PDE1C: variants seen among roughly 807,000 people sequenced by gnomAD.
PDE1C encodes the protein dual specificity calcium/calmodulin-dependent 3',5'-cyclic nucleotide phosphodiesterase 1C.
In PDE1C, 62 loss-of-function variants were observed where a neutral mutation model predicts 93.1. The observed-to-expected ratio is 0.67, with a 90% CI of 0.54 to 0.82. The LOEUF (loss-of-function observed/expected upper bound fraction) is 0.82. Ranked by LOEUF, PDE1C falls within the 40% of genes least tolerant of loss-of-function variation. The pLI, the probability that PDE1C is intolerant of heterozygous loss-of-function variation, is 0.00. For synonymous variants in PDE1C, 325 were observed against 310.1 expected, an observed-to-expected ratio of 1.05 and a Z score of -0.50; for missense variants, 742 against 884.6, an observed-to-expected ratio of 0.84 and a Z score of 2.04.
At chr7:31,894,981 A>G (rs10266437) in intron 2 of PDE1C, among the ~76,000 whole-genome samples, 20,850 of 152,128 alleles carry the variant, frequency 0.14, 1,746 homozygotes, top group Admixed American at 0.23. Flanking sequence ...TCCTTTTCTT[A>G]AACTCAGTAA....
the PDE1C span, among the ~76,000 whole-genome samples, chr7:31,709,518 C>T: frequency 2.0e-5 from 3 of 152,156 alleles, no homozygotes; most frequent in East Asian, 1.9e-4. Context: ...TTGAATGGGC[C>T]GCAATTATGA....
At chr7:32,347,275 A>G (rs879371160) in intron 1 of PDE1C, among the ~76,000 whole-genome samples, 1 of 152,246 alleles carries the variant, frequency 6.6e-6, no homozygotes, top group Admixed American at 6.5e-5. Flanking sequence ...GGTACTGAAC[A>G]GTGCAACTGA....
intron 1 of PDE1C, among the ~76,000 whole-genome samples, chr7:32,403,108 C>T (rs866040484): frequency 6.6e-6 from 1 of 152,202 alleles, no homozygotes; most frequent in Admixed American, 6.5e-5. Context: ...TGCTTCTAGC[C>T]TGACTCCATG....
At chr7:32,020,107 G>T (rs1788444591) in intron 2 of PDE1C, among the ~76,000 whole-genome samples, 2 of 152,114 alleles carry the variant, frequency 1.3e-5, no homozygotes, top group South Asian at 4.1e-4. Context: ...GATCCCTCAG[G>T]CTCTCAAGTG....
At chr7:32,069,753 G>C (rs1343333524) in intron 1 of PDE1C, among the ~76,000 whole-genome samples, 1 of 151,946 alleles carries the variant, frequency 6.6e-6, no homozygotes. Context: ...TTCTCCACAA[G>C]AGCCTTTCCT....
chr7:31,625,363 G>T, the PDE1C span, among the ~76,000 whole-genome samples: 6 of 151,912 alleles, frequency 3.9e-5, no homozygotes, highest in East Asian at 1.9e-4. Flanking sequence ...CAAAGACTTG[G>T]AACCAACCCA....
At chr7:32,357,397 A>G (rs1270818596) in intron 1 of PDE1C, among the ~76,000 whole-genome samples, 1 of 152,160 alleles carries the variant, frequency 6.6e-6, no homozygotes, top group East Asian at 1.9e-4. Flanking sequence ...CAGAGAAAAT[A>G]TAAAATAAAA....
intron 2 of PDE1C, among the ~76,000 whole-genome samples, chr7:31,882,267 G>A (rs1797348064): frequency 6.6e-6 from 1 of 152,148 alleles, no homozygotes; most frequent in African/African-American, 2.4e-5. Flanking sequence ...CTGCAGGCTT[G>A]GAGGTGAAGG....
At chr7:31,757,233 C>T (rs1794523881) in intron 17 of PDE1C, among the ~76,000 whole-genome samples, 1 of 152,074 alleles carries the variant, frequency 6.6e-6, no homozygotes, top group African/African-American at 2.4e-5. Flanking sequence ...AAAATATAAA[C>T]ATATGTGCAT....
intron 1 of PDE1C, among the ~76,000 whole-genome samples, chr7:32,411,572 G>T (rs1195536658): frequency 1.3e-5 from 2 of 152,210 alleles, no homozygotes; most frequent in Non-Finnish European, 2.9e-5. Context: ...ACTGGAAGTT[G>T]CTCTGGGTGA....
Position 31,877,982 on chromosome 7 carries a change from A to C in PDE1C, c.480T>G (p.Ile160Met). 1 of 1,611,654 alleles carries C rather than the reference A, an allele frequency of 6.2e-7. No individual in the cohort carries two copies. Among genetic ancestry groups the C allele is most frequent in the South Asian group, 1.1e-5 (1 of 90,942 alleles). Reference sequence around the variant, plus strand: ...TCACTCGTATTACCTTTAATGCCTCAATAACAGCTGGTGGATAGCTCAGTC... The same window carrying C: ...TCACTCGTATTACCTTTAATGCCTCCATAACAGCTGGTGGATAGCTCAGTC... ...MVGLSYPPAVIEALKDVDKWS... is the reference protein window; with the variant it reads ...MVGLSYPPAVMEALKDVDKWS... The change falls in exon 5 of 18, where the codon ATT becomes ATG. Residue 160 changes from isoleucine (I) to methionine (M), a missense_variant. Physicochemically the swap from Ile to Met is conservative, Grantham distance 10. Around this residue, in one of 4 missense-constraint regions of PDE1C, gnomAD observed 205 missense variants for 295.3 expected, o/e 0.69. Transcript: ENST00000396191.
rs1420502133 is a variant in PDE1C at position 31,815,809 on chromosome 7, A to C, written c.1813+115T>G. 3 of 777,040 alleles carry C rather than the reference A, an allele frequency of 3.9e-6. No homozygotes were observed. The African/African-American group carries it at 5.2e-5, about 13-fold the overall frequency. 48.1% of individuals were successfully genotyped at this position (777,040 alleles called of 1,614,324 possible). A position where few individuals can be genotyped will look rare whatever the true frequency, so the allele number is the denominator to read the frequency against. On this transcript the variant is annotated intron_variant, in intron 15 of 17. Coordinates refer to ENST00000396191, the MANE Select transcript of PDE1C (RefSeq NM_001191057.4). ...AGGTGGGATCAGAAGGAACTGGATG[A>C]GCAGGGAAGCCTTGCCCTGTGAGCT... is the stretch of plus-strand genomic sequence containing the variant.
intron 1 of PDE1C, among the ~76,000 whole-genome samples, chr7:32,382,613 G>A (rs1784555439): frequency 1.3e-5 from 2 of 152,066 alleles, no homozygotes; most frequent in Admixed American, 1.3e-4. Flanking sequence ...TACAAAATTA[G>A]CCTGTCCACA....
At chr7:32,000,993 C>CATGT (rs1554458991) in intron 2 of PDE1C, among the ~76,000 whole-genome samples, 3 of 149,166 alleles carry the variant, frequency 2.0e-5, no homozygotes, top group African/African-American at 7.4e-5. Flanking sequence ...TGTGTGTATA[C>CATGT]GTGTGTGTGT....
intron 3 of PDE1C, among the ~76,000 whole-genome samples, chr7:32,148,288 C>T (rs1378573321): frequency 6.6e-6 from 1 of 152,052 alleles, no homozygotes; most frequent in African/African-American, 2.4e-5. Flanking sequence ...TCAGTGAATT[C>T]ATTTAACATA....
intron 3 of PDE1C, among the ~76,000 whole-genome samples, chr7:32,102,028 A>G (rs1798065573): frequency 6.6e-6 from 1 of 152,150 alleles, no homozygotes; most frequent in Non-Finnish European, 1.5e-5. Context: ...GAACACACTT[A>G]TTACTGTGAG....
At chr7:32,021,008 C>A (rs1210888586) in intron 2 of PDE1C, among the ~76,000 whole-genome samples, 1 of 152,134 alleles carries the variant, frequency 6.6e-6, no homozygotes, top group Non-Finnish European at 1.5e-5. Context: ...ACAGTGCTAG[C>A]ATATGAGGTA....
intron 17 of PDE1C, among the ~76,000 whole-genome samples, chr7:31,758,036 C>T (rs922166287): frequency 5.3e-5 from 8 of 152,186 alleles, no homozygotes; most frequent in Non-Finnish European, 1.0e-4. Flanking sequence ...TCTGAGCAAA[C>T]TATTGCAAGG....
chr7:32,184,490 G>A lies in PDE1C; in HGVS notation c.137-14534C>T, dbSNP rs542748454. Among the ~76,000 whole-genome samples the A allele has an allele frequency of 2.8e-3, 421 of 152,326 alleles. 1 individual carries two copies. Among genetic ancestry groups the A allele is most frequent in the African/African-American group, 9.7e-3 (402 of 41,574 alleles). ...CAGCCATAAAAAAGGATGAGTTCATGTCCTTTGTAGGGACATGATGAAGCT... is the reference window on the plus strand; with the variant it reads ...CAGCCATAAAAAAGGATGAGTTCATATCCTTTGTAGGGACATGATGAAGCT... On this transcript the variant is annotated intron_variant, in intron 2 of 18. Transcript: ENST00000396193.
Sources: allele counts gnomAD v4.1 joint callset (sites outside exome capture counted in the v4.1 genomes callset), GRCh38; gene constraint gnomAD v4.1.1; regional missense constraint gnomAD v4.1.1; transcripts MANE v1.5; gene names NCBI Gene and HGNC (gene_info 2026-07-23, HGNC 2026-07-21).